RNF213: variants seen among roughly 807,000 people sequenced by gnomAD.
The protein encoded by RNF213 is ring finger protein 213.
A neutral mutation model predicts 514.4 loss-of-function variants in RNF213; 341 were observed. The ratio of observed to expected loss-of-function variants is 0.66; its 90% CI spans 0.61 to 0.73. RNF213 has a LOEUF of 0.73. Among genes scored for constraint, RNF213 ranks in the 30% least tolerant of loss-of-function variants. RNF213 has a pLI of 0.00. For synonymous variants in RNF213, 2,655 were observed against 2,658.2 expected (o/e 1.00, Z 0.04); for missense variants, 5,767 against 6,615.6 (o/e 0.87, Z 4.45).
chr17:80,383,560 G>C (rs1480896835), intron 58 of RNF213, 117 bp from the exon 59 acceptor site: 1 of 1,030,836 alleles, frequency 9.7e-7, no homozygotes, highest in Non-Finnish European at 1.5e-6. Flanking sequence ...TACATGCTCA[G>C]AGCAGGGGAC....
Position 80,317,310 on chromosome 17 carries a change from C to T in RNF213, c.2901+33C>T, listed in dbSNP as rs201373622. On this transcript the variant is annotated intron_variant, in intron 16 of 67. Coordinates refer to ENST00000582970, the MANE Select transcript of RNF213 (RefSeq NM_001256071.3). This position sits in a 1 kb window ranked among gnomAD's most constrained non-coding sequence, Gnocchi z 4.1. ...AAGTTTGGGGGCAGTCTTTTCAGGG[C>T]GTGAAGGCAAGCTGGAGAACCCCAG... is the stretch of plus-strand genomic sequence containing the variant. The T allele has an allele frequency of 2.3e-4, 366 of 1,594,064 alleles. No homozygotes were observed. Among genetic ancestry groups the T allele is most frequent in the Middle Eastern group, 1.7e-4 (1 of 6,030 alleles).
At chr17:80,321,985 A>G (rs1041977603) in intron 17 of RNF213, among the ~76,000 whole-genome samples, 1 of 152,054 alleles carries the variant, frequency 6.6e-6, no homozygotes, top group African/African-American at 2.4e-5. Context: ...TGGCCTCCCA[A>G]AGTGCTGGGA....
At chr17:80,374,811 A>T in intron 50 of RNF213, 1 of 555,698 alleles carries the variant, frequency 1.8e-6, no homozygotes, top group South Asian at 1.9e-5. Flanking sequence ...AGCTGGGTTG[A>T]CAGATTTGCT....
intron 40 of RNF213, 99 bp from the exon 41 acceptor site, chr17:80,363,510 A>G: frequency 7.0e-7 from 1 of 1,426,042 alleles, no homozygotes; most frequent in Admixed American, 1.7e-5. Flanking sequence ...TTAGGTCGCA[A>G]GCCTGGGACA....
intron 3 of RNF213, among the ~76,000 whole-genome samples, chr17:80,281,275 A>AC (rs1191540828): frequency 1.5e-5 from 1 of 64,572 alleles, no homozygotes; most frequent in African/African-American, 6.5e-5. Context: ...CACCACTCAC[A>AC]CTCCCCCCCA....
In RNF213 at chr17:80,288,334, G is replaced by C. The variant is rs1568015416; in HGVS notation, c.781G>C (p.Glu261Gln). 3.7e-6 allele frequency: 6 copies of C among 1,612,698 alleles called. No homozygotes were observed. The highest frequency in any genetic ancestry group is 4.2e-6 in the Non-Finnish European group (5 of 1,180,004). The change falls in exon 4 of 68, where the codon GAG (glutamate) becomes CAG (glutamine). Residue 261 changes from glutamate (E) to glutamine (Q), a missense_variant. This residue lies in a region of RNF213 where 509 missense variants were observed against 496.7 expected (regional missense o/e 1.02). Transcript: ENST00000582970. This position sits in a 1 kb window ranked among gnomAD's most constrained non-coding sequence, Gnocchi z 4.9. ...GCCCGGGACAGAACTGCAGACCACC[G>C]AGCAACAGGCAGGGGCCTCAGCCTC... ...SEPGTELQTT[E>Q]QQAGASASMA...
intron 36 of RNF213, among the ~76,000 whole-genome samples, chr17:80,357,979 C>A (rs2078896466): frequency 6.6e-6 from 1 of 152,146 alleles, no homozygotes; most frequent in Non-Finnish European, 1.5e-5. Flanking sequence ...CAGAGTGAGA[C>A]CCTCACATAC....
At chr17:80,366,901 C>T (rs141060237) in intron 42 of RNF213, among the ~76,000 whole-genome samples, 45 of 152,326 alleles carry the variant, frequency 3.0e-4, no homozygotes, top group African/African-American at 1.1e-3. Flanking sequence ...ATTAGTACAG[C>T]CATTAAACTA....
At chr17:80,388,808 C>T (rs967567862) in intron 64 of RNF213, 119 bp downstream of exon 64, 18 of 834,890 alleles carry the variant, frequency 2.2e-5, no homozygotes, top group Admixed American at 6.9e-5. Flanking sequence ...ACAGTTTCTG[C>T]GGCCTCCCTT....
At chr17:80,316,794 GA>G (rs778444532) in intron 15 of RNF213, among the ~76,000 whole-genome samples, 1 of 152,272 alleles carries the variant, frequency 6.6e-6, no homozygotes, top group Non-Finnish European at 1.5e-5. Flanking sequence ...GAGGAGAGAG[GA>G]AGAGTGAAAG....
chr17:80,359,652 A>G (rs2078980673), intron 37 of RNF213, among the ~76,000 whole-genome samples: 4 of 152,074 alleles, frequency 2.6e-5, no homozygotes, highest in Admixed American at 2.6e-4. Flanking sequence ...AAAGAAAGAA[A>G]TGGAATTTGA....
At position 80,389,381 on chromosome 17, in the gene RNF213, C is replaced by G; in HGVS notation, c.15195+14C>G. On this transcript the variant is annotated intron_variant, in intron 65 of 67. Coordinates refer to ENST00000582970, the MANE Select transcript of RNF213 (RefSeq NM_001256071.3). ...CACGTGTTAAAGGTGGGTCTCACACCGAAAAGGAAATCAGCACAGCCCCTC... is the reference window on the plus strand; with the variant it reads ...CACGTGTTAAAGGTGGGTCTCACACGGAAAAGGAAATCAGCACAGCCCCTC... 1 of 1,612,340 alleles carries G rather than the reference C, an allele frequency of 6.2e-7. No individual in the cohort carries two copies. The highest frequency in any genetic ancestry group is 1.1e-5 in the South Asian group (1 of 90,934).
intron 36 of RNF213, among the ~76,000 whole-genome samples, chr17:80,357,361 A>T (rs1321462897): frequency 6.6e-6 from 1 of 151,972 alleles, no homozygotes; most frequent in African/African-American, 2.4e-5. Flanking sequence ...GCATTCATCC[A>T]TCCCTCCGCC....
rs770129719 is a variant in RNF213, at chr17:80,354,532, G to A, written c.10818G>A (p.Arg3606=). ...SQFHPLEWLA[R]EACNQDALQE... Reference sequence around the variant, plus strand: ...TTCACCCTCTGGAGTGGTTGGCAAGGGAAGCCTGCAACCAGGACGCTCTCC... The same window carrying A: ...TTCACCCTCTGGAGTGGTTGGCAAGAGAAGCCTGCAACCAGGACGCTCTCC... The change falls in exon 36 of 68, where the codon AGG becomes AGA. Residue 3606 remains arginine, a synonymous_variant. Coordinates refer to ENST00000582970, the MANE Select transcript of RNF213 (RefSeq NM_001256071.3). 8.7e-6 allele frequency: 14 copies of A among 1,614,198 alleles called. No homozygotes were observed. The East Asian group carries it at 2.9e-4, about 33-fold the overall frequency.
chr17:80,290,891 C>T lies in RNF213; in HGVS notation c.1271+163C>T, dbSNP rs183408760. On this transcript the variant is annotated intron_variant, in intron 7 of 67. Coordinates refer to ENST00000582970, the MANE Select transcript of RNF213 (RefSeq NM_001256071.3). ...GTGGCACCATCTCAGCTCACTGCAGCCTCCGCCTCCTGGGTTCAAGCGATT... is the reference window on the plus strand; with the variant it reads ...GTGGCACCATCTCAGCTCACTGCAGTCTCCGCCTCCTGGGTTCAAGCGATT... 3.3e-5 allele frequency among the ~76,000 whole-genome samples: 5 copies of T among 152,016 alleles called. No homozygotes were observed. In the East Asian group the frequency reaches 9.7e-4, roughly 29 times the overall value.
In RNF213 at chr17:80,337,889, G is replaced by A. The variant is rs1195028157; in HGVS notation, c.4725G>A (p.Glu1575=). Residue 1575 remains glutamate (E), a synonymous_variant, in exon 25 of 68, where the codon GAG becomes GAA. Transcript: ENST00000582970. ...LILPESPGSH[E]ESREYSLEEV... ...TTCCTGAGAGCCCTGGCAGCCACGA[G>A]GAGTCACGAGAGTACTCTTTAGAGG... 4 of 1,537,274 alleles carry A rather than the reference G, an allele frequency of 2.6e-6. No individual in the cohort carries two copies. Among genetic ancestry groups the A allele is most frequent in the Non-Finnish European group, 3.5e-6 (4 of 1,146,906 alleles).
At chr17:80,323,055 ATATATGGTG>A (rs1396531696) in intron 17 of RNF213, among the ~76,000 whole-genome samples, 2 of 152,004 alleles carry the variant, frequency 1.3e-5, no homozygotes, top group Admixed American at 6.5e-5. Context: ...GTTCCTTTTT[ATATATGGTG>A]TATATGGTGT....
At chr17:80,319,645 T>A in intron 17 of RNF213, 1 of 1,503,514 alleles carries the variant, frequency 6.7e-7, no homozygotes, top group Non-Finnish European at 8.9e-7. Context: ...TTTGATTGAT[T>A]GTTAACACTT....
chr17:80,330,273 C>T (rs930325478), intron 20 of RNF213, among the ~76,000 whole-genome samples: 1 of 152,174 alleles, frequency 6.6e-6, no homozygotes, highest in African/African-American at 2.4e-5. Flanking sequence ...GTTCCTTTCA[C>T]TTGTTGATTT....
Sources: gnomAD v4.1 joint callset for allele counts (sites outside exome capture counted in the v4.1 genomes callset) on GRCh38, gnomAD v4.1.1 for gene constraint, gnomAD v4.1.1 regional missense constraint, Gnocchi (gnomAD v3.1) non-coding constraint, MANE v1.5 for transcripts, NCBI Gene and HGNC (gene_info 2026-07-23, HGNC 2026-07-21) for gene names.